Variants in CNOT10 observed in about 807,000 individuals in gnomAD.
CNOT10 encodes CCR4-NOT transcription complex subunit 10.
Under a neutral mutation model 94.6 loss-of-function variants are expected in CNOT10, and 30 were observed. That is an observed-to-expected ratio of 0.32 (90% CI 0.24 to 0.43). The LOEUF is 0.43. Ranked by LOEUF, CNOT10 falls within the 20% of genes least tolerant of loss-of-function variation. The probability of loss-of-function intolerance (pLI) is 1.00; values close to 1 mark genes in which losing one functional copy is unlikely to be tolerated. For synonymous variants in CNOT10, 289 were observed against 301.6 expected, an observed-to-expected ratio of 0.96 and a Z score of 0.43; for missense variants, 759 against 877.2, an observed-to-expected ratio of 0.87 and a Z score of 1.70.
rs185283798 is a variant in CNOT10, at chr3:32,765,965, G to A, written c.2004+1156G>A. Among the ~76,000 whole-genome samples, 52 of 50,080 alleles carry A rather than the reference G, an allele frequency of 1.0e-3. 19 individuals are homozygous for A. Among genetic ancestry groups the A allele is most frequent in the African/African-American group, 3.0e-3 (48 of 15,984 alleles). The allele number at this position is 50,080 out of a possible 152,430, so 32.9% of individuals were successfully genotyped here. ...CGAATACTACATGGCTGGAGCAGTA[G>A]AATGGGAGACTTTTCACTGTATACT... On this transcript the variant is annotated intron_variant, in intron 17 of 18. Transcript: ENST00000328834.
chr3:32,692,032 C>CT lies in CNOT10; in HGVS notation c.22+6551dup, dbSNP rs1355589613. ...CACCACTGCACTCCAACCTGGGTGA[C>CT]TGAGTGAGACCCTGTCACCAAAAAA... On this transcript the variant is annotated intron_variant, in intron 1 of 18. Coordinates refer to ENST00000328834, the MANE Select transcript of CNOT10 (RefSeq NM_015442.3). Among the ~76,000 whole-genome samples, 16 of 143,264 alleles carry CT rather than the reference C, an allele frequency of 1.1e-4. No individual in the cohort carries two copies. In the East Asian group the frequency reaches 3.4e-3, roughly 30 times the overall value. 94.0% of individuals were successfully genotyped at this position (143,264 alleles called of 152,430 possible).
intron 16 of CNOT10, 51 bp from the exon 17 acceptor site, chr3:32,764,631 C>G: frequency 6.2e-7 from 1 of 1,607,812 alleles, no homozygotes; most frequent in Non-Finnish European, 8.5e-7. Context: ...TGGGTTGCTT[C>G]CTTGCTGTTG....
At chr3:32,725,912 A>T (rs112954645) in intron 9 of CNOT10, among the ~76,000 whole-genome samples, 1 of 146,998 alleles carries the variant, frequency 6.8e-6, no homozygotes, top group Non-Finnish European at 1.5e-5. Flanking sequence ...GACTGTGCCA[A>T]ACTAGGTTTA....
At chr3:32,711,576 A>G (rs1331084667) in intron 4 of CNOT10, among the ~76,000 whole-genome samples, 1 of 152,114 alleles carries the variant, frequency 6.6e-6, no homozygotes, top group Non-Finnish European at 1.5e-5. Flanking sequence ...GAATGTAGAG[A>G]TTGACTGGGG....
Position 32,703,902 on chromosome 3 carries a change from G to A in CNOT10, c.57G>A (p.Gln19=). 2 of 1,613,890 alleles carry A rather than the reference G, an allele frequency of 1.2e-6. No homozygotes were observed. Among genetic ancestry groups the A allele is most frequent in the Admixed American group, 3.3e-5 (2 of 59,998 alleles). Residue 19 remains glutamine (Q), a synonymous_variant, in exon 2 of 19, where the codon CAG becomes CAA. Coordinates refer to ENST00000328834, the MANE Select transcript of CNOT10 (RefSeq NM_015442.3). ...QGAEKHEGTG[Q]SSGITDQEKE... Reference sequence around the variant, plus strand: ...CAGAGAAACATGAAGGCACAGGTCAGTCCTCTGGGATCACTGATCAAGAGA... The same window carrying A: ...CAGAGAAACATGAAGGCACAGGTCAATCCTCTGGGATCACTGATCAAGAGA...
chr3:32,747,229 A>G (rs561757834), intron 13 of CNOT10, among the ~76,000 whole-genome samples: 1 of 152,064 alleles, frequency 6.6e-6, no homozygotes, highest in East Asian at 1.9e-4. Flanking sequence ...CAGCCTGGCC[A>G]CCATGGTGAA....
At chr3:32,725,799 A>G in intron 9 of CNOT10, among the ~76,000 whole-genome samples, 200 bp downstream of exon 9, 1 of 152,164 alleles carries the variant, frequency 6.6e-6, no homozygotes, top group East Asian at 1.9e-4. Context: ...AGTAATTTTG[A>G]ATTATCCAGA....
At chr3:32,686,670 T>G (rs920774490) in intron 1 of CNOT10, among the ~76,000 whole-genome samples, 1 of 152,170 alleles carries the variant, frequency 6.6e-6, no homozygotes, top group Admixed American at 6.5e-5. Flanking sequence ...GAGAGACTAT[T>G]AGACAGGAAA....
At chr3:32,707,696 A>G (rs1436459008) in intron 3 of CNOT10, among the ~76,000 whole-genome samples, 2 of 152,096 alleles carry the variant, frequency 1.3e-5, no homozygotes, top group African/African-American at 2.4e-5. Context: ...CGAGCTACTC[A>G]GGAGGCTAAG....
intron 13 of CNOT10, among the ~76,000 whole-genome samples, chr3:32,742,810 C>G (rs1699531321): frequency 6.6e-6 from 1 of 152,144 alleles, no homozygotes. Context: ...TCTAATTTAT[C>G]TAACATTGCT....
intron 1 of CNOT10, among the ~76,000 whole-genome samples, chr3:32,697,025 A>G (rs1454496568): frequency 6.6e-6 from 1 of 150,636 alleles, no homozygotes. Flanking sequence ...ATCTCGGCTC[A>G]CTGCAGCCTC....
chr3:32,724,556 G>A (rs549261458), intron 8 of CNOT10, among the ~76,000 whole-genome samples: 3 of 152,044 alleles, frequency 2.0e-5, no homozygotes, highest in African/African-American at 2.4e-5. Context: ...GGGACTACAC[G>A]CGCCCGCCAC....
At chr3:32,759,371 C>A in intron 13 of CNOT10, 87 bp from the exon 14 acceptor site, 1 of 911,268 alleles carries the variant, frequency 1.1e-6, no homozygotes, top group Non-Finnish European at 1.8e-6. Context: ...ATTGTCACAG[C>A]TAAAGGGCAT....
At chr3:32,725,633 C>T in intron 9 of CNOT10, 34 bp downstream of exon 9, 1 of 1,556,356 alleles carries the variant, frequency 6.4e-7, no homozygotes, top group Non-Finnish European at 8.7e-7. Flanking sequence ...TTTGTATTTA[C>T]TACTTCAGAA....
At chr3:32,753,675 A>C in intron 13 of CNOT10, 1 of 1,580,472 alleles carries the variant, frequency 6.3e-7, no homozygotes, top group Non-Finnish European at 8.6e-7. Context: ...GGGATAAATT[A>C]GTGGGTAAAA....
intron 8 of CNOT10, among the ~76,000 whole-genome samples, chr3:32,723,583 T>G (rs1290123286): frequency 6.6e-6 from 1 of 152,050 alleles, no homozygotes; most frequent in Non-Finnish European, 1.5e-5. Flanking sequence ...ACCATAGAAT[T>G]TAGAAAACAT....
intron 17 of CNOT10, among the ~76,000 whole-genome samples, chr3:32,767,727 T>A (rs1422278318): frequency 6.6e-6 from 1 of 152,098 alleles, no homozygotes; most frequent in East Asian, 1.9e-4. Context: ...TGTTTGATAT[T>A]ATCTAGGCAT....
intron 8 of CNOT10, among the ~76,000 whole-genome samples, chr3:32,724,315 G>A (rs891888407): frequency 2.1e-5 from 3 of 145,102 alleles, no homozygotes; most frequent in Non-Finnish European, 3.0e-5. Flanking sequence ...GTGCGATCTC[G>A]GCTCACTGCA....
At chr3:32,717,126 T>C in intron 6 of CNOT10, 28 bp from the exon 7 acceptor site, 1 of 1,358,062 alleles carries the variant, frequency 7.4e-7, no homozygotes, top group Non-Finnish European at 1.0e-6. Flanking sequence ...ACCATAGTTT[T>C]AACATACTAA....
Sources: allele counts gnomAD v4.1 joint callset (sites outside exome capture counted in the v4.1 genomes callset), GRCh38; gene constraint gnomAD v4.1.1; transcripts MANE v1.5; gene names NCBI Gene and HGNC (gene_info 2026-07-23, HGNC 2026-07-21).